The following ACSM5 variants were observed in gnomAD, a reference collection of about 807,000 sequenced individuals.
ACSM5 encodes acyl-coenzyme A synthetase ACSM5, mitochondrial.
A neutral mutation model predicts 71.6 loss-of-function variants in ACSM5; 56 were observed. The observed-to-expected ratio is 0.78, with a 90% CI of 0.63 to 0.98. The LOEUF (loss-of-function observed/expected upper bound fraction) is 0.98. Ranked by LOEUF, ACSM5 falls within the 50% of genes least tolerant of loss-of-function variation. The pLI is 0.00. For synonymous variants in ACSM5, 285 were observed against 281.5 expected, an observed-to-expected ratio of 1.01 and a Z score of -0.12; for missense variants, 723 against 726.0, an observed-to-expected ratio of 1.00 and a Z score of 0.05.
chr16:20,420,374 G>A (rs138982537), intron 4 of ACSM5, among the ~76,000 whole-genome samples: 6,762 of 152,312 alleles, frequency 0.044, 162 homozygotes, highest in South Asian at 0.059. Context: ...GCTGAGGCAG[G>A]CAGATCACCC....
intron 7 of ACSM5, among the ~76,000 whole-genome samples, chr16:20,428,609 T>C (rs1166594808): frequency 6.6e-6 from 1 of 152,194 alleles, no homozygotes; most frequent in East Asian, 1.9e-4. Flanking sequence ...CACATGAATC[T>C]ACCCACCAAG....
At position 20,418,102 on chromosome 16, in the gene ACSM5, G is replaced by A. The variant is rs1966861324; in HGVS notation, c.248G>A (p.Gly83Asp). ...PPNPAFWWVN[G>D]TGAEIKWSFE... ...AATCCTGCCTTCTGGTGGGTCAATG[G>A]CACAGGAGCAGAGATCAAGTGGAGC... is the stretch of plus-strand genomic sequence containing the variant. Residue 83 changes from glycine to aspartate, a missense_variant, in exon 3 of 14, where the codon GGC becomes GAC. By Grantham distance (94) the Gly-to-Asp change is moderately conservative (BLOSUM62 -1). Transcript: ENST00000331849. 2.5e-6 allele frequency: 4 copies of A among 1,613,694 alleles called. No individual in the cohort carries two copies. The highest frequency in any genetic ancestry group is 2.7e-5 in the African/African-American group (2 of 74,882).
chr16:20,429,829 C>G (rs1967059576), intron 8 of ACSM5, 28 bp downstream of exon 8: 1 of 1,605,006 alleles, frequency 6.2e-7, no homozygotes, highest in Admixed American at 1.7e-5. Context: ...CAGGTCCCTA[C>G]CCCCCAGGTC....
chr16:20,412,450 G>A (rs1389971387), intron 2 of ACSM5, among the ~76,000 whole-genome samples: 1 of 152,162 alleles, frequency 6.6e-6, no homozygotes, highest in Admixed American at 6.5e-5. Flanking sequence ...ACATAGAATT[G>A]AATAAGATAA....
intron 12 of ACSM5, among the ~76,000 whole-genome samples, chr16:20,439,290 C>T (rs1225552134): frequency 2.4e-5 from 3 of 123,416 alleles, no homozygotes; most frequent in Non-Finnish European, 4.8e-5. Flanking sequence ...GAATGTCCCT[C>T]GGGATGTCTG....
chr16:20,418,019 T>C (rs1214795685), intron 2 of ACSM5, 40 bp from the exon 3 acceptor site: 1 of 1,580,178 alleles, frequency 6.3e-7, no homozygotes, highest in Non-Finnish European at 8.6e-7. Flanking sequence ...AAATTCTCAA[T>C]AAATTGCTTC....
At chr16:20,433,834 T>G (rs1457198586) in intron 10 of ACSM5, among the ~76,000 whole-genome samples, 1 of 133,690 alleles carries the variant, frequency 7.5e-6, no homozygotes, top group Non-Finnish European at 1.6e-5. Flanking sequence ...CCACCACACC[T>G]GGCTAATTTT....
intron 7 of ACSM5, among the ~76,000 whole-genome samples, chr16:20,428,675 A>T (rs1232966108): frequency 6.6e-6 from 1 of 152,232 alleles, no homozygotes; most frequent in African/African-American, 2.4e-5. Flanking sequence ...CTCCAATGTA[A>T]GAAAATCATC....
intron 1 of ACSM5, among the ~76,000 whole-genome samples, chr16:20,410,450 G>T (rs541889090): frequency 5.9e-5 from 9 of 152,292 alleles, no homozygotes; most frequent in African/African-American, 2.2e-4. Context: ...CTAAAACTGG[G>T]CTGGGCACAG....
intron 2 of ACSM5, among the ~76,000 whole-genome samples, chr16:20,417,279 T>C (rs1227953183): frequency 6.6e-6 from 1 of 152,194 alleles, no homozygotes; most frequent in Non-Finnish European, 1.5e-5. Context: ...TTATTTATAA[T>C]AGCCAAAAAG....
intron 4 of ACSM5, among the ~76,000 whole-genome samples, chr16:20,420,091 C>A (rs1966871575): frequency 6.6e-6 from 1 of 152,166 alleles, no homozygotes. Flanking sequence ...CTGGTGGAAA[C>A]CCATCTCAGA....
intron 4 of ACSM5, among the ~76,000 whole-genome samples, chr16:20,420,874 C>A (rs891228066): frequency 6.6e-6 from 1 of 152,076 alleles, no homozygotes; most frequent in African/African-American, 2.4e-5. Context: ...TCTCAAAACC[C>A]CATATTGGGG....
intron 5 of ACSM5, among the ~76,000 whole-genome samples, chr16:20,421,656 T>TATAC (rs1395366828): frequency 1.7e-4 from 18 of 106,062 alleles, no homozygotes; most frequent in African/African-American, 5.8e-4. Flanking sequence ...TATATATATA[T>TATAC]ACACACACAC....
intron 7 of ACSM5, among the ~76,000 whole-genome samples, chr16:20,429,314 A>T (rs1967049067): frequency 6.6e-6 from 1 of 152,014 alleles, no homozygotes; most frequent in Non-Finnish European, 1.5e-5. Flanking sequence ...TGCCTGGCCT[A>T]TCTTTTCAAT....
intron 10 of ACSM5, among the ~76,000 whole-genome samples, chr16:20,433,457 T>C (rs1433518301): frequency 3.3e-5 from 5 of 152,192 alleles, no homozygotes; most frequent in African/African-American, 7.2e-5. Flanking sequence ...TTTGTTATAG[T>C]GCTGGCTGTT....
intron 10 of ACSM5, among the ~76,000 whole-genome samples, chr16:20,436,187 C>T (rs1468102179): frequency 1.5e-5 from 2 of 130,860 alleles, no homozygotes; most frequent in Non-Finnish European, 3.2e-5. Context: ...CCCTTTTCTT[C>T]TCTCTTTCTT....
At chr16:20,435,604 C>G (rs1967175851) in intron 10 of ACSM5, among the ~76,000 whole-genome samples, 1 of 152,184 alleles carries the variant, frequency 6.6e-6, no homozygotes, top group Non-Finnish European at 1.5e-5. Context: ...TTTTCACTCC[C>G]TTGACAGGCA....
At chr16:20,425,492 C>T (rs1966961868) in intron 6 of ACSM5, among the ~76,000 whole-genome samples, 1 of 152,062 alleles carries the variant, frequency 6.6e-6, no homozygotes, top group African/African-American at 2.4e-5. Flanking sequence ...TGAGTAAGTT[C>T]TTTAGTGGTG....
In ACSM5 at chr16:20,424,066, G is replaced by A. The variant is rs769561043; in HGVS notation, c.918G>A (p.Leu306=). The A allele has an allele frequency of 1.1e-5, 17 of 1,613,888 alleles. No homozygotes were observed. The highest frequency in any genetic ancestry group is 1.4e-5 in the Non-Finnish European group (16 of 1,180,000). The change falls in exon 6 of 14, where the codon CTG becomes CTA. Residue 306 remains leucine (L), a synonymous_variant. Transcript: ENST00000331849. ...CCCGAGTTGATGCCAAAGTTATCCT[G>A]AATGTAAGAGGAAAAACCAACAATA... ...ELPRVDAKVI[L]NTLSKFPITT...
Sources: gnomAD v4.1 joint callset for allele counts (sites outside exome capture counted in the v4.1 genomes callset) on GRCh38, gnomAD v4.1.1 for gene constraint, MANE v1.5 for transcripts, NCBI Gene and HGNC (gene_info 2026-07-23, HGNC 2026-07-21) for gene names.